Variants in YIPF6 observed in about 807,000 individuals in gnomAD.
The protein encoded by YIPF6 is Yip1 domain family member 6.
In YIPF6, 3 loss-of-function variants were observed where a neutral mutation model predicts 16.8. The ratio of observed to expected loss-of-function variants is 0.18; its 90% CI spans 0.08 to 0.46. The LOEUF (loss-of-function observed/expected upper bound fraction) is 0.46, where lower values mean the gene tolerates loss of function less well. YIPF6 is among the 20% of genes least tolerant of loss of function. YIPF6 has a pLI of 0.98. For missense variants in YIPF6, 145 were observed against 184.9 expected, an observed-to-expected ratio of 0.78 and a Z score of 1.25; for synonymous variants, 67 against 61.9, an observed-to-expected ratio of 1.08 and a Z score of -0.38.
intron 1 of YIPF6, among the ~76,000 whole-genome samples, chrX:68,504,043 T>G (rs1203456498): frequency 8.9e-6 from 1 of 112,259 alleles, no homozygotes; most frequent in Non-Finnish European, 1.9e-5. Flanking sequence ...CATAATTCAC[T>G]AGAATGACTC....
intron 6 of YIPF6, among the ~76,000 whole-genome samples, chrX:68,528,310 C>CT (rs917022605): frequency 9.0e-6 from 1 of 111,320 alleles, no homozygotes; most frequent in African/African-American, 3.3e-5. Flanking sequence ...GCAACCCCTA[C>CT]TTTTTTTGCT....
In YIPF6 at chrX:68,521,420, A is replaced by C. The variant is rs149816757; in HGVS notation, c.357A>C (p.Gln119His). 236 of 1,209,035 alleles carry C rather than the reference A, an allele frequency of 2.0e-4. No homozygotes were observed. Among genetic ancestry groups the C allele is most frequent in the Non-Finnish European group, 2.9e-5 (26 of 894,817 alleles). The change falls in exon 5 of 7, where the codon CAA (glutamine) becomes CAC (histidine). Residue 119 changes from glutamine to histidine, a missense_variant. Physicochemically the swap from Gln to His is conservative, Grantham distance 24. Coordinates refer to ENST00000462683, the MANE Select transcript of YIPF6 (RefSeq NM_173834.4). ...SADSEKDGGP[Q>H]FAEVFVIVWF... ...ATAGTGAAAAAGATGGAGGGCCCCA[A>C]TTTGCAGAGGTGTTTGTCATTGTCT...
At position 68,532,308 on chromosome X, in the gene YIPF6, C is replaced by G. The variant is rs192682099; in HGVS notation, c.*309C>G. 231 of 167,760 alleles carry G rather than the reference C, an allele frequency of 1.4e-3. 2 individuals carry two copies. The highest frequency in any genetic ancestry group is 3.9e-4 in the Non-Finnish European group (35 of 90,411). The allele number at this position is 167,760 out of a possible 1,213,427, so 13.8% of individuals were successfully genotyped here. A position where few individuals can be genotyped will look rare whatever the true frequency, so the allele number is the denominator to read the frequency against. ...GGTCCATTTGGGTGACAACCAGTGA[C>G]TTGGGAAGCACATAGATACATCTTA... is the stretch of plus-strand genomic sequence containing the variant. On this transcript the variant is annotated 3_prime_UTR_variant, in exon 7 of 7. Transcript: ENST00000462683.
intron 6 of YIPF6, among the ~76,000 whole-genome samples, chrX:68,525,654 T>C (rs1402445558): frequency 1.8e-5 from 2 of 112,165 alleles, no homozygotes; most frequent in African/African-American, 6.5e-5. Flanking sequence ...CTTGAGTTAA[T>C]TTTTGTATAA....
chrX:68,510,586 TTTTATTTATTTTA>T (rs1368153269), intron 1 of YIPF6: 2 of 84,970 alleles, frequency 2.4e-5, no homozygotes, highest in African/African-American at 1.8e-4. Context: ...ATATTTTATA[TTTTATTTATTTTA>T]TTTATTTATT....
chrX:68,523,860 C>G (rs759562789), intron 6 of YIPF6, among the ~76,000 whole-genome samples: 9 of 111,997 alleles, frequency 8.0e-5, no homozygotes, highest in Non-Finnish European at 1.5e-4. Context: ...CTCATTCTCT[C>G]ACTGAGAATC....
intron 1 of YIPF6, among the ~76,000 whole-genome samples, chrX:68,505,432 A>G (rs2079056163): frequency 8.9e-6 from 1 of 111,861 alleles, no homozygotes; most frequent in African/African-American, 3.2e-5. Flanking sequence ...GGGTTGGTTT[A>G]CGCATTACAT....
At chrX:68,512,800 G>A (rs2147820468) in intron 2 of YIPF6, among the ~76,000 whole-genome samples, 1 of 107,023 alleles carries the variant, frequency 9.3e-6, no homozygotes, top group African/African-American at 3.4e-5. Flanking sequence ...GGTTGTATTT[G>A]TATTACTGAA....
In YIPF6 at chrX:68,513,301, TACA is replaced by T. The variant is rs751846499; in HGVS notation, c.187-21_187-19del. On this transcript the variant is annotated intron_variant, in intron 2 of 6. Coordinates refer to ENST00000462683, the MANE Select transcript of YIPF6 (RefSeq NM_173834.4). ...CTGCTGGCAACCTTGGTCATCACAA[TACA>T]ACAAGTTGTTTCTGTCTTTCAGATG... is the stretch of plus-strand genomic sequence containing the variant. The T allele has an allele frequency of 9.4e-6, 11 of 1,176,445 alleles. No homozygotes were observed. In the African/African-American group the frequency reaches 2.0e-4, roughly 21 times the overall value.
intron 1 of YIPF6, among the ~76,000 whole-genome samples, chrX:68,509,181 C>A (rs1414912402): frequency 9.2e-6 from 1 of 108,309 alleles, no homozygotes; most frequent in African/African-American, 3.4e-5. Context: ...GTGATCATAT[C>A]TTACTGCAGC....
At chrX:68,528,909 C>A (rs1323950681) in intron 6 of YIPF6, among the ~76,000 whole-genome samples, 1 of 111,513 alleles carries the variant, frequency 9.0e-6, no homozygotes, top group Non-Finnish European at 1.9e-5. Context: ...CTGCCTTTAA[C>A]ATTTTTTCCT....
intron 1 of YIPF6, among the ~76,000 whole-genome samples, chrX:68,501,854 G>T (rs1372563864): frequency 9.0e-6 from 1 of 111,346 alleles, no homozygotes; most frequent in Non-Finnish European, 1.9e-5. Context: ...TCTGGAGTCA[G>T]CTTGCTTAGG....
chrX:68,504,927 A>G lies in YIPF6; in HGVS notation c.57+5804A>G, dbSNP rs140122621. Among the ~76,000 whole-genome samples, 689 of 111,971 alleles carry G rather than the reference A, an allele frequency of 6.2e-3. 2 individuals are homozygous for G. The highest frequency in any genetic ancestry group is 0.014 in the Middle Eastern group (3 of 216). On this transcript the variant is annotated intron_variant, in intron 1 of 6. Coordinates refer to ENST00000462683, the MANE Select transcript of YIPF6 (RefSeq NM_173834.4). Reference sequence around the variant, plus strand: ...ATTGAGTATGTGCTAGGTGCTGTGCAGTGTTATTTATCTTTATAGCAGTAT... The same window carrying G: ...ATTGAGTATGTGCTAGGTGCTGTGCGGTGTTATTTATCTTTATAGCAGTAT...
intron 1 of YIPF6, 65 bp downstream of exon 1, chrX:68,499,188 G>T: frequency 8.9e-7 from 1 of 1,124,985 alleles, no homozygotes; most frequent in Middle Eastern, 2.5e-4. Flanking sequence ...AAGAAGTCGG[G>T]GGACGGGCTC....
chrX:68,510,269 T>C (rs1207428711), intron 1 of YIPF6, among the ~76,000 whole-genome samples: 1 of 111,960 alleles, frequency 8.9e-6, no homozygotes, highest in Non-Finnish European at 1.9e-5. Context: ...ATCTTTGTGG[T>C]TGTGTGTTTA....
chrX:68,499,282 C>G, intron 1 of YIPF6, 159 bp downstream of exon 1: 1 of 673,145 alleles, frequency 1.5e-6, no homozygotes, highest in Non-Finnish European at 2.1e-6. Context: ...TGCACCTGTT[C>G]TTTGCGCTAA....
intron 3 of YIPF6, chrX:68,515,189 G>T (rs1602458919): frequency 9.3e-6 from 1 of 107,743 alleles, no homozygotes; most frequent in East Asian, 2.9e-4. Flanking sequence ...AGCCGGGCGT[G>T]GTGGTGGGCG....
chrX:68,508,344 T>C (rs1393559424), intron 1 of YIPF6, among the ~76,000 whole-genome samples: 2 of 111,119 alleles, frequency 1.8e-5, no homozygotes, highest in African/African-American at 6.5e-5. Flanking sequence ...GCTCAAGCAA[T>C]CTGTCTGCCT....
intron 1 of YIPF6, among the ~76,000 whole-genome samples, chrX:68,506,213 G>A (rs775653779): frequency 1.8e-5 from 2 of 109,250 alleles, no homozygotes; most frequent in South Asian, 7.9e-4. Flanking sequence ...CTGCACTCCA[G>A]CCTGGGCAAC....
Sources: gnomAD v4.1 joint callset for allele counts (sites outside exome capture counted in the v4.1 genomes callset) on GRCh38, gnomAD v4.1.1 for gene constraint, MANE v1.5 for transcripts, NCBI Gene and HGNC (gene_info 2026-07-23, HGNC 2026-07-21) for gene names.